The following PTGER4 variants were observed in gnomAD, a reference collection of about 807,000 sequenced individuals.
PTGER4 encodes the protein prostaglandin E2 receptor EP4 subtype.
In PTGER4, 11 loss-of-function variants were observed where a neutral mutation model predicts 33.2. The ratio of observed to expected loss-of-function variants is 0.33; its 90% CI spans 0.21 to 0.55. The LOEUF (loss-of-function observed/expected upper bound fraction) is 0.55, where lower values mean the gene tolerates loss of function less well. Ranked by LOEUF, PTGER4 falls within the 20% of genes least tolerant of loss-of-function variation. The probability of loss-of-function intolerance (pLI) is 0.92; values close to 1 mark genes in which losing one functional copy is unlikely to be tolerated. For synonymous variants in PTGER4, 275 were observed against 281.5 expected (o/e 0.98, Z 0.23); for missense variants, 481 against 650.2 (o/e 0.74, Z 2.83).
At chr5:40,707,460 A>C in the PTGER4 span, among the ~76,000 whole-genome samples, 101,989 of 152,010 alleles carry the variant, frequency 0.67, 34,369 homozygotes, top group East Asian at 0.8. Context: ...GTAAAGAGAG[A>C]AATTCAACAA....
chr5:40,737,299 C>CAA, the PTGER4 span, among the ~76,000 whole-genome samples: 50 of 116,418 alleles, frequency 4.3e-4, no homozygotes, highest in South Asian at 0.012. Context: ...GGCTCCACCT[C>CAA]AAAAAAAAAA....
At chr5:40,715,202 G>C in the PTGER4 span, 2 of 152,004 alleles carry the variant, frequency 1.3e-5, no homozygotes, top group African/African-American at 4.8e-5. Context: ...ATTTCACTGA[G>C]TAGTTTCAAA....
At chr5:40,688,676 G>A (rs1287142963) in intron 2 of PTGER4, among the ~76,000 whole-genome samples, 1 of 152,174 alleles carries the variant, frequency 6.6e-6, no homozygotes, top group Non-Finnish European at 1.5e-5. Flanking sequence ...AGAGTTGAGG[G>A]AACTGCTGAG....
chr5:40,689,475 TCTTC>T (rs1741414998), intron 2 of PTGER4, among the ~76,000 whole-genome samples: 1 of 152,192 alleles, frequency 6.6e-6, no homozygotes, highest in Admixed American at 6.5e-5. Context: ...AAAAAATAAT[TCTTC>T]CTTCTTTTAC....
chr5:40,741,256 G>A, the PTGER4 span, among the ~76,000 whole-genome samples: 1 of 152,106 alleles, frequency 6.6e-6, no homozygotes, highest in Non-Finnish European at 1.5e-5. Flanking sequence ...GGTTTTCTAG[G>A]GAAGGTCTGA....
At chr5:40,707,934 G>T in the PTGER4 span, among the ~76,000 whole-genome samples, 3 of 152,128 alleles carry the variant, frequency 2.0e-5, no homozygotes, top group African/African-American at 7.2e-5. Flanking sequence ...AATGACTACT[G>T]AGTACATAAT....
the PTGER4 span, among the ~76,000 whole-genome samples, chr5:40,727,567 C>T: frequency 1.1e-4 from 16 of 152,308 alleles, no homozygotes; most frequent in African/African-American, 3.8e-4. Flanking sequence ...TCTTTATCCC[C>T]TCAATAAGCC....
chr5:40,733,960 G>A, the PTGER4 span, among the ~76,000 whole-genome samples: 4 of 152,134 alleles, frequency 2.6e-5, no homozygotes, highest in Admixed American at 2.6e-4. Flanking sequence ...AAAGAAAAAT[G>A]TCCTCTCTTC....
chr5:40,745,128 G>T, the PTGER4 span, among the ~76,000 whole-genome samples: 8 of 152,212 alleles, frequency 5.3e-5, 1 homozygote, highest in South Asian at 1.2e-3. Context: ...AAAACCCAAG[G>T]ATGCCAAAAG....
the PTGER4 span, among the ~76,000 whole-genome samples, chr5:40,724,587 C>T: frequency 2.0e-5 from 3 of 150,568 alleles, no homozygotes; most frequent in African/African-American, 4.9e-5. Context: ...GAGCCGAGAT[C>T]ACACCAGTGC....
chr5:40,711,824 C>A, the PTGER4 span, among the ~76,000 whole-genome samples: 1 of 151,982 alleles, frequency 6.6e-6, no homozygotes, highest in South Asian at 2.1e-4. Context: ...TATTATATGG[C>A]CTATTTATTT....
chr5:40,713,092 C>A, the PTGER4 span, among the ~76,000 whole-genome samples: 2 of 151,974 alleles, frequency 1.3e-5, no homozygotes, highest in African/African-American at 4.8e-5. Flanking sequence ...TAATAATAAT[C>A]TCTAAGGAAG....
Position 40,693,148 on chromosome 5 carries a change from G to A in PTGER4, c.*770G>A, listed in dbSNP as rs1324812189. 1.0e-6 allele frequency: 1 copy of A among 960,524 alleles called. No homozygotes were observed. Among genetic ancestry groups the A allele is most frequent in the South Asian group, 4.8e-5 (1 of 20,766 alleles). The allele number at this position is 960,524 out of a possible 1,614,324, so 59.5% of individuals were successfully genotyped here. On this transcript the variant is annotated 3_prime_UTR_variant, in exon 3 of 3. Coordinates refer to ENST00000302472, the MANE Select transcript of PTGER4 (RefSeq NM_000958.3). ...ATGTATAAAATACATAGTGAAAATTGTTTAGTGATATTACATTTATTTATC... is the reference window on the plus strand; with the variant it reads ...ATGTATAAAATACATAGTGAAAATTATTTAGTGATATTACATTTATTTATC...
chr5:40,712,589 C>T, the PTGER4 span, among the ~76,000 whole-genome samples: 2 of 152,222 alleles, frequency 1.3e-5, no homozygotes, highest in Non-Finnish European at 2.9e-5. Context: ...GCACAAATCT[C>T]CCTTTGCAGA....
chr5:40,685,187 C>T (rs1406042842), intron 2 of PTGER4, among the ~76,000 whole-genome samples: 1 of 152,122 alleles, frequency 6.6e-6, no homozygotes, highest in Non-Finnish European at 1.5e-5. Flanking sequence ...CTCATCTCAG[C>T]TAGGGGCAGA....
chr5:40,690,483 CTT>C (rs1741441064), intron 2 of PTGER4, among the ~76,000 whole-genome samples: 1 of 152,194 alleles, frequency 6.6e-6, no homozygotes, highest in African/African-American at 2.4e-5. Flanking sequence ...TCTTCCATGA[CTT>C]TGCACATGGA....
At chr5:40,728,036 C>G in the PTGER4 span, among the ~76,000 whole-genome samples, 1 of 152,036 alleles carries the variant, frequency 6.6e-6, no homozygotes, top group South Asian at 2.1e-4. Flanking sequence ...AATCCCAGCA[C>G]TTTGGGAGGC....
downstream of PTGER4, among the ~76,000 whole-genome samples, chr5:40,698,120 C>CAAAAAAAAAAAAA (rs1352485485): frequency 1.4e-5 from 1 of 71,054 alleles, no homozygotes; most frequent in Non-Finnish European, 2.8e-5. Context: ...AAAAAAAAAA[C>CAAAAAAAAAAAAA]CATGAAAAAT....
chr5:40,745,015 C>A, the PTGER4 span, among the ~76,000 whole-genome samples: 1 of 152,124 alleles, frequency 6.6e-6, no homozygotes, highest in Admixed American at 6.6e-5. Context: ...ACAAGAAACA[C>A]ATGAGATAGA....
Sources: gnomAD v4.1 joint callset for allele counts (sites outside exome capture counted in the v4.1 genomes callset) on GRCh38, gnomAD v4.1.1 for gene constraint, MANE v1.5 for transcripts, NCBI Gene and HGNC (gene_info 2026-07-23, HGNC 2026-07-21) for gene names.